DNAH9: variants seen among roughly 807,000 people sequenced by gnomAD.
The protein encoded by DNAH9 is dynein axonemal heavy chain 9, also known as DNAH9 variant protein.
DNAH9 carries 345 observed loss-of-function variants against 471.6 expected under a neutral mutation model. The ratio of observed to expected loss-of-function variants is 0.73; its 90% CI spans 0.67 to 0.80. The LOEUF (loss-of-function observed/expected upper bound fraction) is 0.80. Among genes scored for constraint, DNAH9 ranks in the 30% least tolerant of loss-of-function variants. The pLI is 0.00. For missense variants in DNAH9, 5,407 were observed against 5,609.2 expected, an observed-to-expected ratio of 0.96 and a Z score of 1.15; for synonymous variants, 2,093 against 2,123.6, an observed-to-expected ratio of 0.99 and a Z score of 0.40.
At chr17:11,945,371 T>C (rs1156656514) in intron 67 of DNAH9, among the ~76,000 whole-genome samples, 1 of 151,886 alleles carries the variant, frequency 6.6e-6, no homozygotes, top group Non-Finnish European at 1.5e-5. Flanking sequence ...ACCCCGTCTC[T>C]ACTAAAAATA....
At chr17:11,762,934 C>T (rs1206458122) in intron 35 of DNAH9, among the ~76,000 whole-genome samples, 11 of 151,618 alleles carry the variant, frequency 7.3e-5, no homozygotes, top group Non-Finnish European at 1.3e-4. Context: ...TGCCCGCCAC[C>T]GTGCCCGGCT....
chr17:11,624,400 C>T (rs1048760198), intron 6 of DNAH9, among the ~76,000 whole-genome samples: 1 of 151,952 alleles, frequency 6.6e-6, no homozygotes, highest in Non-Finnish European at 1.5e-5. Context: ...TCCCAGCCAC[C>T]CAGGAGGCTG....
intron 44 of DNAH9, among the ~76,000 whole-genome samples, chr17:11,809,838 C>T (rs1319073905): frequency 1.3e-5 from 2 of 151,974 alleles, no homozygotes; most frequent in Non-Finnish European, 2.9e-5. Context: ...ATAAGTAAGA[C>T]ACTTGTATGA....
intron 17 of DNAH9, among the ~76,000 whole-genome samples, chr17:11,678,409 A>G (rs914492513): frequency 2.0e-5 from 3 of 152,228 alleles, no homozygotes; most frequent in African/African-American, 7.2e-5. Context: ...GTAAAGGTCT[A>G]TTGATGAAGT....
intron 59 of DNAH9, among the ~76,000 whole-genome samples, chr17:11,898,304 T>C (rs972789277): frequency 2.2e-4 from 34 of 152,166 alleles, no homozygotes; most frequent in Non-Finnish European, 4.9e-4. Context: ...TTTGTATTTT[T>C]AGTAGAGATA....
At position 11,875,110 on chromosome 17, in the gene DNAH9, T is replaced by C. The variant is rs149401045; in HGVS notation, c.10404T>C (p.Pro3468=). 6.2e-7 allele frequency: 1 copy of C among 1,614,052 alleles called. No homozygotes were observed. The highest frequency in any genetic ancestry group is 8.5e-7 in the Non-Finnish European group (1 of 1,180,042). Residue 3468 remains proline, a synonymous_variant, in exon 53 of 69, where the codon CCT becomes CCC. Transcript: ENST00000262442. Reference sequence around the variant, plus strand: ...AGCGCTGGCCACTCATGGTTGACCCTCAGCTACAAGGCATCAAATGGATCA... The same window carrying C: ...AGCGCTGGCCACTCATGGTTGACCCCCAGCTACAAGGCATCAAATGGATCA... ...NCERWPLMVD[P]QLQGIKWIKN...
chr17:11,904,303 C>T (rs1597808450), intron 60 of DNAH9, among the ~76,000 whole-genome samples: 1 of 152,172 alleles, frequency 6.6e-6, no homozygotes, highest in East Asian at 1.9e-4. Flanking sequence ...AGTGGTGACA[C>T]AGCCAGGGGA....
intron 59 of DNAH9, among the ~76,000 whole-genome samples, chr17:11,897,569 A>C (rs1944485545): frequency 1.3e-5 from 2 of 152,190 alleles, no homozygotes; most frequent in African/African-American, 4.8e-5. Flanking sequence ...TTTGTTCTGT[A>C]AAGCGGTTCT....
intron 6 of DNAH9, among the ~76,000 whole-genome samples, chr17:11,622,188 A>C (rs974736580): frequency 2.0e-5 from 3 of 152,162 alleles, no homozygotes; most frequent in Non-Finnish European, 4.4e-5. Context: ...AGAGAAAATC[A>C]GTTGTGAAAC....
At chr17:11,883,933 A>AT (rs1367259641) in intron 56 of DNAH9, among the ~76,000 whole-genome samples, 183 bp downstream of exon 56, 1 of 152,116 alleles carries the variant, frequency 6.6e-6, no homozygotes, top group Non-Finnish European at 1.5e-5. Flanking sequence ...ACTACCCCAT[A>AT]TATCTTGTAT....
intron 14 of DNAH9, among the ~76,000 whole-genome samples, chr17:11,661,734 T>A (rs191316875): frequency 1.1e-4 from 17 of 152,224 alleles, no homozygotes; most frequent in African/African-American, 4.1e-4. Flanking sequence ...TGCTGTTGTG[T>A]GAGATATTTA....
In DNAH9 at chr17:11,877,421, C is replaced by T. The variant is rs550702571; in HGVS notation, c.10478+2237C>T. Among the ~76,000 whole-genome samples, 10 of 135,100 alleles carry T rather than the reference C, an allele frequency of 7.4e-5. No homozygotes were observed. In the South Asian group the frequency reaches 1.2e-3, roughly 16 times the overall value. The allele number at this position is 135,100 out of a possible 152,430, so 88.6% of individuals were successfully genotyped here. ...CCAGGAGGTGGAGGTTGCAGTGAGCCGAGATCGTGCCATTGTACTCCAGCC... is the reference window on the plus strand; with the variant it reads ...CCAGGAGGTGGAGGTTGCAGTGAGCTGAGATCGTGCCATTGTACTCCAGCC... On this transcript the variant is annotated intron_variant, in intron 53 of 68. Coordinates refer to ENST00000262442, the MANE Select transcript of DNAH9 (RefSeq NM_001372.4).
chr17:11,858,922 TA>T (rs1971720825), intron 50 of DNAH9, among the ~76,000 whole-genome samples: 1 of 151,740 alleles, frequency 6.6e-6, no homozygotes, highest in Non-Finnish European at 1.5e-5. Context: ...CAATTTCTAC[TA>T]AAAATACAAA....
At chr17:11,853,727 A>G (rs1012258549) in intron 49 of DNAH9, among the ~76,000 whole-genome samples, 6 of 152,202 alleles carry the variant, frequency 3.9e-5, no homozygotes, top group African/African-American at 1.2e-4. Flanking sequence ...TCTCAGTTGA[A>G]TGTGAAATAA....
chr17:11,773,990 G>A (rs968100168), intron 38 of DNAH9, among the ~76,000 whole-genome samples: 2 of 151,878 alleles, frequency 1.3e-5, no homozygotes, highest in African/African-American at 4.8e-5. Flanking sequence ...AAAAAAATTA[G>A]CCAGGCGTGG....
chr17:11,746,017 A>G (rs1204898978), intron 31 of DNAH9, among the ~76,000 whole-genome samples: 1 of 152,236 alleles, frequency 6.6e-6, no homozygotes, highest in African/African-American at 2.4e-5. Context: ...CTAGAGCTGG[A>G]AAGACATGTA....
intron 61 of DNAH9, among the ~76,000 whole-genome samples, chr17:11,915,462 T>G (rs892297368): frequency 6.6e-6 from 1 of 152,150 alleles, no homozygotes; most frequent in African/African-American, 2.4e-5. Context: ...AGACGGAGGT[T>G]GCAATGAGCC....
rs1461037958 is a variant in DNAH9, at chr17:11,721,283, TTTTTTG to T, written c.5709+1809_5709+1814del. Among the ~76,000 whole-genome samples, 11 of 152,178 alleles carry T rather than the reference TTTTTTG, an allele frequency of 7.2e-5. 1 individual carries two copies. In the South Asian group the frequency reaches 1.2e-3, roughly 17 times the overall value. On this transcript the variant is annotated intron_variant, in intron 27 of 68. Transcript: ENST00000262442. ...TTTTTTTGTTTGTTTTTTTGTTTTG[TTTTTTG>T]TTTTTGTTTTTGTTTGTTTGTTTTT...
At chr17:11,810,046 A>G (rs992038987) in intron 44 of DNAH9, among the ~76,000 whole-genome samples, 200 bp from the exon 45 acceptor site, 5 of 152,078 alleles carry the variant, frequency 3.3e-5, no homozygotes, top group Non-Finnish European at 7.4e-5. Flanking sequence ...GCCCACCTTT[A>G]TTGGCACCAA....
Sources: gnomAD v4.1 joint callset for allele counts (sites outside exome capture counted in the v4.1 genomes callset) on GRCh38, gnomAD v4.1.1 for gene constraint, MANE v1.5 for transcripts, NCBI Gene and HGNC (gene_info 2026-07-23, HGNC 2026-07-21) for gene names.